The following ASTN2 variants were observed in gnomAD, a reference collection of about 807,000 sequenced individuals.
ASTN2 encodes astrotactin 2, also known as astrotactin-2.
In ASTN2, 54 loss-of-function variants were observed where a neutral mutation model predicts 139.8. That is an observed-to-expected ratio of 0.39 (90% CI 0.31 to 0.48). The LOEUF (loss-of-function observed/expected upper bound fraction) is 0.48, where lower values mean the gene tolerates loss of function less well. Among genes scored for constraint, ASTN2 ranks in the 20% least tolerant of loss-of-function variants. The pLI, the probability that ASTN2 is intolerant of heterozygous loss-of-function variation, is 0.95. For missense variants in ASTN2, 1,565 were observed against 1,725.1 expected (o/e 0.91, Z 1.64); for synonymous variants, 756 against 719.5 (o/e 1.05, Z -0.81).
At chr9:117,024,492 G>A (rs1048691670) in intron 6 of ASTN2, among the ~76,000 whole-genome samples, 4 of 151,932 alleles carry the variant, frequency 2.6e-5, no homozygotes, top group Non-Finnish European at 4.4e-5. Context: ...GTTGAATACC[G>A]TGACAAAAGG....
intron 17 of ASTN2, among the ~76,000 whole-genome samples, chr9:116,630,061 T>G (rs537910603): frequency 6.6e-6 from 1 of 152,328 alleles, no homozygotes; most frequent in East Asian, 1.9e-4. Context: ...ACAGTGAGCA[T>G]TTTTTGAAGA....
chr9:117,314,547 CATATT>C (rs375402365), intron 1 of ASTN2, among the ~76,000 whole-genome samples: 134 of 148,466 alleles, frequency 9.0e-4, no homozygotes, highest in South Asian at 2.5e-3. Context: ...TATATATTAT[CATATT>C]ATATTATATT....
intron 7 of ASTN2, among the ~76,000 whole-genome samples, chr9:117,003,018 GA>G (rs143869779): frequency 1.7e-4 from 26 of 152,214 alleles, no homozygotes; most frequent in African/African-American, 6.0e-4. Context: ...CCATTAAAAG[GA>G]AAAAGACATT....
At chr9:116,600,586 A>T (rs1006308031) in intron 19 of ASTN2, among the ~76,000 whole-genome samples, 1 of 152,146 alleles carries the variant, frequency 6.6e-6, no homozygotes, top group Non-Finnish European at 1.5e-5. Flanking sequence ...TGTAGATAAT[A>T]TTGTCCTCTT....
Position 116,840,738 on chromosome 9 carries a change from C to T in ASTN2, c.2041-19955G>A, listed in dbSNP as rs1193473164. On this transcript the variant is annotated intron_variant, in intron 11 of 22. Coordinates refer to ENST00000313400, the MANE Select transcript of ASTN2 (RefSeq NM_001365068.1). ...GCAGAGACGCTCCTCACATCCCGGACGGGGCGGCAGGGCAGAGGTGCTCCC... is the reference window on the plus strand; with the variant it reads ...GCAGAGACGCTCCTCACATCCCGGATGGGGCGGCAGGGCAGAGGTGCTCCC... Among the ~76,000 whole-genome samples the T allele has an allele frequency of 4.2e-5, 6 of 142,870 alleles. No individual in the cohort carries two copies. The East Asian group carries it at 8.5e-4, about 20-fold the overall frequency. 93.7% of individuals were successfully genotyped at this position (142,870 alleles called of 152,430 possible).
chr9:117,196,311 G>A (rs7035084), intron 3 of ASTN2, among the ~76,000 whole-genome samples: 2,626 of 152,228 alleles, frequency 0.017, 68 homozygotes, highest in African/African-American at 0.06. Context: ...GAAATCAGCT[G>A]TTGTCAGCAG....
intron 2 of ASTN2, among the ~76,000 whole-genome samples, chr9:117,237,418 A>G (rs1300179978): frequency 6.6e-6 from 1 of 152,106 alleles, no homozygotes; most frequent in African/African-American, 2.4e-5. Context: ...ACTGTGGCTG[A>G]CTGTGGATTC....
intron 5 of ASTN2, among the ~76,000 whole-genome samples, chr9:117,076,451 T>C (rs1828283176): frequency 6.6e-6 from 1 of 151,994 alleles, no homozygotes; most frequent in African/African-American, 2.4e-5. Flanking sequence ...CATTGAAAGT[T>C]TGAGGGGCAG....
Position 116,742,573 on chromosome 9 carries a change from C to T in ASTN2, c.2397-9050G>A, listed in dbSNP as rs1005196339. Among the ~76,000 whole-genome samples, 6 of 152,004 alleles carry T rather than the reference C, an allele frequency of 3.9e-5. No individual in the cohort carries two copies. The East Asian group carries it at 1.2e-3, about 29-fold the overall frequency. On this transcript the variant is annotated intron_variant, in intron 13 of 22. Coordinates refer to ENST00000313400, the MANE Select transcript of ASTN2 (RefSeq NM_001365068.1). The stretch of plus-strand genomic sequence containing the variant: ...GTGAGCAGGGGTGATAGGGTTTGCT[C>T]CCCTAGACTCAGGATATAGTCTGGG...
intron 2 of ASTN2, among the ~76,000 whole-genome samples, chr9:117,249,532 C>T (rs1717712497): frequency 6.6e-6 from 1 of 152,058 alleles, no homozygotes; most frequent in African/African-American, 2.4e-5. Flanking sequence ...CACTCAAAGG[C>T]CAACATATAA....
intron 11 of ASTN2, among the ~76,000 whole-genome samples, chr9:116,861,040 T>C (rs1349112399): frequency 6.6e-6 from 1 of 152,180 alleles, no homozygotes; most frequent in Non-Finnish European, 1.5e-5. Context: ...CCATTGAACC[T>C]TGAAGTAGTG....
At chr9:117,030,937 T>C (rs1838230165) in intron 6 of ASTN2, among the ~76,000 whole-genome samples, 1 of 152,154 alleles carries the variant, frequency 6.6e-6, no homozygotes, top group South Asian at 2.1e-4. Flanking sequence ...AGCCTTGCCT[T>C]CTCCCTGTAC....
chr9:116,951,106 G>T (rs1835545100), intron 10 of ASTN2, among the ~76,000 whole-genome samples: 2 of 152,078 alleles, frequency 1.3e-5, no homozygotes, highest in African/African-American at 4.8e-5. Context: ...GGGAGGCTGA[G>T]GTGGGTGGAT....
intron 1 of ASTN2, among the ~76,000 whole-genome samples, chr9:117,301,379 A>G (rs1333499667): frequency 1.3e-5 from 2 of 152,132 alleles, no homozygotes; most frequent in East Asian, 3.9e-4. Flanking sequence ...ACAGGAACTA[A>G]CCTTTGCTAA....
intron 13 of ASTN2, among the ~76,000 whole-genome samples, chr9:116,755,084 C>T (rs1265738060): frequency 6.6e-6 from 1 of 152,158 alleles, no homozygotes; most frequent in East Asian, 1.9e-4. Context: ...ACTCCGGCTT[C>T]TAATTTTTAG....
intron 13 of ASTN2, among the ~76,000 whole-genome samples, chr9:116,753,327 C>G (rs1481804307): frequency 1.3e-5 from 2 of 152,140 alleles, no homozygotes; most frequent in Non-Finnish European, 2.9e-5. Context: ...GTGAAAAGAT[C>G]AGTGGTTGCC....
chr9:116,682,176 C>T (rs1160262029), intron 16 of ASTN2, among the ~76,000 whole-genome samples: 1 of 151,978 alleles, frequency 6.6e-6, no homozygotes, highest in Admixed American at 6.6e-5. Context: ...AACAAATTTA[C>T]AAGAAAAAAA....
intron 16 of ASTN2, among the ~76,000 whole-genome samples, chr9:116,669,826 G>A (rs565750179): frequency 7.2e-6 from 1 of 138,612 alleles, no homozygotes; most frequent in African/African-American, 2.8e-5. Flanking sequence ...TTTTTTTTGA[G>A]ACAGAGTCTT....
chr9:117,335,793 G>T (rs1303204619), intron 1 of ASTN2, among the ~76,000 whole-genome samples: 2 of 151,922 alleles, frequency 1.3e-5, no homozygotes, highest in Admixed American at 6.6e-5. Context: ...AAAAAAAAGG[G>T]ACTTGCTCAA....
Sources: gnomAD v4.1 joint callset for allele counts (sites outside exome capture counted in the v4.1 genomes callset) on GRCh38, gnomAD v4.1.1 for gene constraint, MANE v1.5 for transcripts, NCBI Gene and HGNC (gene_info 2026-07-23, HGNC 2026-07-21) for gene names.